Variants in KSR1 observed in about 807,000 individuals in gnomAD.
KSR1 encodes the protein kinase suppressor of ras 1.
KSR1 carries 35 observed loss-of-function variants against 92.9 expected under a neutral mutation model. The ratio of observed to expected loss-of-function variants is 0.38; its 90% CI spans 0.29 to 0.50. KSR1 has a LOEUF of 0.50. KSR1 is among the 20% of genes least tolerant of loss of function. The pLI is 0.94. For synonymous variants in KSR1, 467 were observed against 472.6 expected, an observed-to-expected ratio of 0.99 and a Z score of 0.15; for missense variants, 972 against 1,158.5, an observed-to-expected ratio of 0.84 and a Z score of 2.34.
At chr17:27,574,925 G>C (rs2072446678) in intron 2 of KSR1, among the ~76,000 whole-genome samples, 1 of 152,212 alleles carries the variant, frequency 6.6e-6, no homozygotes, top group Non-Finnish European at 1.5e-5. Context: ...CTCTGCTCTA[G>C]TGCGCATCTT....
chr17:27,473,998 C>T (rs552937645), intron 1 of KSR1, among the ~76,000 whole-genome samples: 64 of 152,182 alleles, frequency 4.2e-4, no homozygotes, highest in Non-Finnish European at 7.1e-4. Flanking sequence ...ACTCACAATA[C>T]CTGTGTACAG....
intron 19 of KSR1, among the ~76,000 whole-genome samples, chr17:27,619,291 T>C (rs1031755901): frequency 2.6e-5 from 4 of 152,198 alleles, no homozygotes; most frequent in Admixed American, 6.5e-5. Context: ...TGGCACAGTC[T>C]CTGTTACATG....
rs527498701 is a variant in KSR1 at position 27,507,639 on chromosome 17, C to T, written c.232-42929C>T. Among the ~76,000 whole-genome samples, 27 of 112,174 alleles carry T rather than the reference C, an allele frequency of 2.4e-4. No homozygotes were observed. In the South Asian group the frequency reaches 6.6e-3, roughly 27 times the overall value. The allele number at this position is 112,174 out of a possible 152,430, so 73.6% of individuals were successfully genotyped here. Reference sequence around the variant, plus strand: ...TTGCCCAGGCTAGAGTGCAATGGTGCGATCTTGGCTCACCGTAACCTCCAC... The same window carrying T: ...TTGCCCAGGCTAGAGTGCAATGGTGTGATCTTGGCTCACCGTAACCTCCAC... On this transcript the variant is annotated intron_variant, in intron 1 of 20. Transcript: ENST00000644974.
At chr17:27,505,136 T>A (rs1239674589) in intron 1 of KSR1, among the ~76,000 whole-genome samples, 1 of 152,200 alleles carries the variant, frequency 6.6e-6, no homozygotes, top group East Asian at 1.9e-4. Flanking sequence ...AATCAGTACC[T>A]GCTGACTATG....
At chr17:27,470,306 A>G (rs2019925750) in intron 1 of KSR1, among the ~76,000 whole-genome samples, 1 of 142,028 alleles carries the variant, frequency 7.0e-6, no homozygotes, top group South Asian at 2.2e-4. Context: ...CAGTGGTGCG[A>G]TCTCGGCTCA....
rs1479317139 is a variant in KSR1 at position 27,605,814 on chromosome 17, G to A, written c.1994+1G>A. 2 of 1,612,366 alleles carry A rather than the reference G, an allele frequency of 1.2e-6. No individual in the cohort carries two copies. Among genetic ancestry groups the A allele is most frequent in the Non-Finnish European group, 1.7e-6 (2 of 1,179,668 alleles). ...CGCCCCACCTGGCCATTATCACCAG[G>A]TAACCAAGCCCTAGGACCTCATGCT... is the stretch of plus-strand genomic sequence containing the variant. On this transcript the variant is annotated splice_donor_variant, in intron 14 of 20. Transcript: ENST00000644974. LOFTEE classifies it high-confidence loss of function.
rs116493519 is a variant in KSR1 at position 27,593,716 on chromosome 17, G to A, written c.1299+1090G>A. Reference sequence around the variant, plus strand: ...TTCTCACCCAGAATGGGGAGGCAGCGGGAAAGATGATAGGGTCCTGTCTTA... The same window carrying A: ...TTCTCACCCAGAATGGGGAGGCAGCAGGAAAGATGATAGGGTCCTGTCTTA... On this transcript the variant is annotated intron_variant, in intron 9 of 20. Transcript: ENST00000644974. Among the ~76,000 whole-genome samples the A allele has an allele frequency of 7.3e-3, 1,107 of 152,362 alleles. 15 individuals carry two copies. The highest frequency in any genetic ancestry group is 0.026 in the African/African-American group (1,069 of 41,570).
At chr17:27,481,437 G>T (rs1267358725) in intron 1 of KSR1, among the ~76,000 whole-genome samples, 1 of 152,214 alleles carries the variant, frequency 6.6e-6, no homozygotes, top group African/African-American at 2.4e-5. Context: ...AGTAATTTAA[G>T]TTCATAGCAC....
intron 1 of KSR1, among the ~76,000 whole-genome samples, chr17:27,508,135 A>G (rs557917263): frequency 1.3e-5 from 2 of 152,170 alleles, no homozygotes; most frequent in East Asian, 3.9e-4. Flanking sequence ...CTGCTAATAC[A>G]TTACTCTGGG....
At chr17:27,570,929 G>A (rs550580365) in intron 2 of KSR1, among the ~76,000 whole-genome samples, 6 of 152,350 alleles carry the variant, frequency 3.9e-5, no homozygotes, top group Non-Finnish European at 8.8e-5. Flanking sequence ...GAAAATTCCA[G>A]GGCACAACCC....
At position 27,577,311 on chromosome 17, in the gene KSR1, G is replaced by T. The variant is rs1020617598; in HGVS notation, c.373-181G>T. 51 of 567,662 alleles carry T rather than the reference G, an allele frequency of 9.0e-5. No homozygotes were observed. Among genetic ancestry groups the T allele is most frequent in the African/African-American group, 7.1e-4 (36 of 50,980 alleles). The allele number at this position is 567,662 out of a possible 1,614,324, so 35.2% of individuals were successfully genotyped here. A position where few individuals can be genotyped will look rare whatever the true frequency, so the allele number is the denominator to read the frequency against. On this transcript the variant is annotated intron_variant, in intron 2 of 20. Coordinates refer to ENST00000644974, the MANE Select transcript of KSR1 (RefSeq NM_001394583.1). This position sits in a 1 kb window ranked among gnomAD's most constrained non-coding sequence, Gnocchi z 4.5. Reference sequence around the variant, plus strand: ...TCTGCTTCAGCTGCTGTCTCTGGGAGCCTGGAGGGTGGGGGCCAGGGAGCT... The same window carrying T: ...TCTGCTTCAGCTGCTGTCTCTGGGATCCTGGAGGGTGGGGGCCAGGGAGCT...
Position 27,582,987 on chromosome 17 carries a change from A to C in KSR1, c.862A>C (p.Thr288Pro). Reference sequence around the variant, plus strand: ...GCACACCAAGCTGAAGCCACCACGGACGCCCCCCCCACCCAGCCGCAAGGT... The same window carrying C: ...GCACACCAAGCTGAAGCCACCACGGCCGCCCCCCCCACCCAGCCGCAAGGT... ...RRHTKLKPPR[T>P]PPPPSRKVFQ... The change falls in exon 4 of 21, where the codon ACG becomes CCG. Residue 288 changes from threonine to proline, a missense_variant. Transcript: ENST00000644974. The C allele has an allele frequency of 1.4e-6, 2 of 1,451,848 alleles. No homozygotes were observed. The highest frequency in any genetic ancestry group is 1.9e-6 in the Non-Finnish European group (2 of 1,079,830). 89.9% of individuals were successfully genotyped at this position (1,451,848 alleles called of 1,614,324 possible).
At chr17:27,470,928 T>C (rs930535119) in intron 1 of KSR1, among the ~76,000 whole-genome samples, 2 of 152,066 alleles carry the variant, frequency 1.3e-5, no homozygotes, top group African/African-American at 4.8e-5. Context: ...TGGAGTGCAG[T>C]GGCACAATCT....
At chr17:27,539,672 G>T (rs957426923) in intron 1 of KSR1, among the ~76,000 whole-genome samples, 2 of 152,162 alleles carry the variant, frequency 1.3e-5, no homozygotes, top group East Asian at 3.8e-4. Flanking sequence ...GGGGAGTTAG[G>T]GGGTAAAGTG....
At chr17:27,592,688 C>T (rs1185133587) in intron 9 of KSR1, 62 bp downstream of exon 9, 2 of 1,388,920 alleles carry the variant, frequency 1.4e-6, no homozygotes, top group Non-Finnish European at 2.0e-6. Context: ...CTATAAAGCA[C>T]CCCTGCCTCA....
intron 2 of KSR1, among the ~76,000 whole-genome samples, chr17:27,570,608 T>C (rs1039464575): frequency 1.3e-5 from 2 of 152,196 alleles, no homozygotes; most frequent in Non-Finnish European, 2.9e-5. Flanking sequence ...AGCTCCCTAC[T>C]GTGAGCCCCT....
chr17:27,525,808 CG>C (rs924549585), intron 1 of KSR1, among the ~76,000 whole-genome samples: 4 of 152,148 alleles, frequency 2.6e-5, no homozygotes, highest in Admixed American at 2.6e-4. Flanking sequence ...AAGGACACCC[CG>C]GGTAGTCTAG....
At chr17:27,523,332 G>A (rs537720019) in intron 1 of KSR1, among the ~76,000 whole-genome samples, 2 of 150,818 alleles carry the variant, frequency 1.3e-5, no homozygotes, top group African/African-American at 4.9e-5. Flanking sequence ...TAAGAAAAAC[G>A]TTGGTAGAAA....
intron 6 of KSR1, among the ~76,000 whole-genome samples, chr17:27,590,120 T>G (rs983795957): frequency 3.3e-5 from 5 of 152,194 alleles, no homozygotes; most frequent in African/African-American, 1.2e-4. Context: ...ATGAAGAACA[T>G]TCCAGCACCC....
Sources: gnomAD v4.1 joint callset for allele counts (sites outside exome capture counted in the v4.1 genomes callset) on GRCh38, gnomAD v4.1.1 for gene constraint, Gnocchi (gnomAD v3.1) non-coding constraint, MANE v1.5 for transcripts, NCBI Gene and HGNC (gene_info 2026-07-23, HGNC 2026-07-21) for gene names.